CDKL3: variants seen among roughly 807,000 people sequenced by gnomAD.
CDKL3 encodes the protein cyclin dependent kinase like 3.
Under a neutral mutation model 69.3 loss-of-function variants are expected in CDKL3, and 65 were observed. The ratio of observed to expected loss-of-function variants is 0.94; its 90% CI spans 0.77 to 1.15. CDKL3 has a LOEUF of 1.15. Ranked by LOEUF, CDKL3 falls within the 50% of genes most tolerant of loss-of-function variation. The pLI, the probability that CDKL3 is intolerant of heterozygous loss-of-function variation, is 0.00. For synonymous variants in CDKL3, 202 were observed against 221.6 expected (o/e 0.91, Z 0.79); for missense variants, 652 against 689.2 (o/e 0.95, Z 0.61).
intron 7 of CDKL3, among the ~76,000 whole-genome samples, chr5:134,311,876 C>A (rs939391354): frequency 2.0e-5 from 3 of 152,152 alleles, no homozygotes; most frequent in African/African-American, 7.2e-5. Flanking sequence ...CTCACTGCAA[C>A]CTCCACCTCT....
At chr5:134,357,570 T>G (rs1228847884) in intron 3 of CDKL3, among the ~76,000 whole-genome samples, 4 of 151,886 alleles carry the variant, frequency 2.6e-5, no homozygotes, top group Non-Finnish European at 5.9e-5. Flanking sequence ...AGGCGGAAGT[T>G]GCAGTGAGCC....
At chr5:134,353,084 G>A (rs1297553206) in intron 3 of CDKL3, among the ~76,000 whole-genome samples, 1 of 151,964 alleles carries the variant, frequency 6.6e-6, no homozygotes, top group Non-Finnish European at 1.5e-5. Flanking sequence ...ATTTTTAGTT[G>A]ATTTTTGTAG....
At chr5:134,326,840 T>C (rs1276005060) in intron 4 of CDKL3, among the ~76,000 whole-genome samples, 1 of 113,930 alleles carries the variant, frequency 8.8e-6, no homozygotes, top group Admixed American at 9.2e-5. Flanking sequence ...TATATATATA[T>C]ATATATATAT....
At chr5:134,349,122 T>G (rs1294039225) in intron 4 of CDKL3, among the ~76,000 whole-genome samples, 1 of 152,230 alleles carries the variant, frequency 6.6e-6, no homozygotes, top group Non-Finnish European at 1.5e-5. Flanking sequence ...AGTAGCAACT[T>G]CATCATAGGG....
chr5:134,294,700 A>G (rs1459774188), downstream of CDKL3, among the ~76,000 whole-genome samples: 1 of 152,116 alleles, frequency 6.6e-6, no homozygotes, highest in Non-Finnish European at 1.5e-5. Context: ...GGAGGGAGTC[A>G]GGAGAGAAAG....
chr5:134,359,409 T>G (rs1755448074), intron 3 of CDKL3, among the ~76,000 whole-genome samples: 1 of 152,198 alleles, frequency 6.6e-6, no homozygotes, highest in Admixed American at 6.5e-5. Context: ...TCTTCCTTGA[T>G]TTTTCATAGG....
At chr5:134,299,233 G>A (rs1765732029) in intron 12 of CDKL3, among the ~76,000 whole-genome samples, 1 of 152,164 alleles carries the variant, frequency 6.6e-6, no homozygotes, top group Admixed American at 6.5e-5. Context: ...AAAGTTCAGT[G>A]TAAAGCCAAA....
At position 134,366,442 on chromosome 5, in the gene CDKL3, G is replaced by T. The variant is rs776130013; in HGVS notation, c.82C>A (p.Gln28Lys). Residue 28 changes from glutamine (Q) to lysine (K), a missense_variant, in exon 2 of 13, where the codon CAG becomes AAG. Coordinates refer to ENST00000265334, the MANE Select transcript of CDKL3 (RefSeq NM_001113575.2). ...TAAAATATCTTAATGGCCACTATCT[G>T]CCCAGTATTCTTATGTTTACATTTC... Reference protein sequence around the residue: ...VMKCKHKNTGQIVAIKIFYER... With the variant: ...VMKCKHKNTGKIVAIKIFYER... The T allele has an allele frequency of 4.4e-6, 7 of 1,607,038 alleles. No individual in the cohort carries two copies. The highest frequency in any genetic ancestry group is 1.3e-5 in the African/African-American group (1 of 74,698).
chr5:134,344,964 C>T (rs1489916028), intron 4 of CDKL3, among the ~76,000 whole-genome samples: 1 of 152,024 alleles, frequency 6.6e-6, no homozygotes, highest in Non-Finnish European at 1.5e-5. Context: ...ACTCAGGAGG[C>T]TGAGGCAGGA....
chr5:134,311,685 C>T lies in CDKL3; in HGVS notation c.881+607G>A, dbSNP rs556955562. Among the ~76,000 whole-genome samples the T allele has an allele frequency of 2.6e-5, 4 of 152,332 alleles. No individual in the cohort carries two copies. In the East Asian group the frequency reaches 7.7e-4, roughly 29 times the overall value. On this transcript the variant is annotated intron_variant, in intron 7 of 12. Coordinates refer to ENST00000265334, the MANE Select transcript of CDKL3 (RefSeq NM_001113575.2). Reference sequence around the variant, plus strand: ...GTATTGATTGCTTATTTAATGTTATCTCTGGTCTATGATGACACTGAAACT... The same window carrying T: ...GTATTGATTGCTTATTTAATGTTATTTCTGGTCTATGATGACACTGAAACT...
At position 134,367,144 on chromosome 5, in the gene CDKL3, G is replaced by A; in HGVS notation, c.-189C>T. The stretch of plus-strand genomic sequence containing the variant: ...CAAGGAACCGGCCACTTGCCACCAT[G>A]GAAACGCCGGCGGAGTTGCTGCGTT... On this transcript the variant is annotated 5_prime_UTR_variant, in exon 1 of 13. Transcript: ENST00000265334. 1 of 985,666 alleles carries A rather than the reference G, an allele frequency of 1.0e-6. No individual in the cohort carries two copies. Among genetic ancestry groups the A allele is most frequent in the Non-Finnish European group, 1.2e-6 (1 of 830,136 alleles). 61.1% of individuals were successfully genotyped at this position (985,666 alleles called of 1,614,324 possible). A position where few individuals can be genotyped will look rare whatever the true frequency, so the allele number is the denominator to read the frequency against.
intron 8 of CDKL3, among the ~76,000 whole-genome samples, chr5:134,288,944 CT>C (rs1314254936): frequency 0.016 from 2,332 of 144,726 alleles, 54 homozygotes; most frequent in African/African-American, 0.049. Context: ...GTTCAATAAA[CT>C]TTTTTTTTTT....
chr5:134,315,588 C>T (rs1301207770), intron 6 of CDKL3, among the ~76,000 whole-genome samples: 4 of 152,048 alleles, frequency 2.6e-5, no homozygotes, highest in Admixed American at 6.6e-5. Flanking sequence ...CATGCCTTGG[C>T]CTCCCAAAGT....
chr5:134,318,989 T>A (rs1219229655), intron 6 of CDKL3: 1 of 154,844 alleles, frequency 6.5e-6, no homozygotes, highest in Non-Finnish European at 1.4e-5. Flanking sequence ...TATTATAATT[T>A]ATGCAAATTT....
chr5:134,343,100 G>A (rs1187409668), intron 4 of CDKL3, among the ~76,000 whole-genome samples: 1 of 151,966 alleles, frequency 6.6e-6, no homozygotes, highest in Non-Finnish European at 1.5e-5. Context: ...AACTACTCAG[G>A]AGGCTGAGGT....
intron 8 of CDKL3, among the ~76,000 whole-genome samples, chr5:134,291,578 G>A (rs1765125744): frequency 6.6e-6 from 1 of 152,178 alleles, no homozygotes; most frequent in Non-Finnish European, 1.5e-5. Context: ...AGTTCGAGAC[G>A]AGCCTGGCCA....
chr5:134,310,032 T>C (rs1032030467), intron 7 of CDKL3, among the ~76,000 whole-genome samples: 1 of 152,106 alleles, frequency 6.6e-6, no homozygotes, highest in Non-Finnish European at 1.5e-5. Context: ...GGTTTTGCCA[T>C]GTTGCCCAGG....
intron 3 of CDKL3, among the ~76,000 whole-genome samples, chr5:134,356,838 T>C (rs1387826500): frequency 6.6e-6 from 1 of 151,786 alleles, no homozygotes; most frequent in Non-Finnish European, 1.5e-5. Flanking sequence ...CACAATCAAA[T>C]GGTTAGTTTT....
chr5:134,352,395 G>C (rs898125408), intron 3 of CDKL3, among the ~76,000 whole-genome samples: 3 of 151,722 alleles, frequency 2.0e-5, no homozygotes, highest in Non-Finnish European at 4.4e-5. Flanking sequence ...CTGACTCCTG[G>C]GTTCAAGAAA....
Sources: allele counts gnomAD v4.1 joint callset (sites outside exome capture counted in the v4.1 genomes callset), GRCh38; gene constraint gnomAD v4.1.1; transcripts MANE v1.5; gene names NCBI Gene and HGNC (gene_info 2026-07-23, HGNC 2026-07-21).